Variants in CAST observed in about 807,000 individuals in gnomAD.
The protein encoded by CAST is calpastatin.
Under a neutral mutation model 119.6 loss-of-function variants are expected in CAST, and 76 were observed. The observed-to-expected ratio is 0.64, with a 90% CI of 0.53 to 0.77. CAST has a LOEUF of 0.77. Ranked by LOEUF, CAST falls within the 30% of genes least tolerant of loss-of-function variation. CAST has a pLI of 0.00. For missense variants in CAST, 953 were observed against 946.5 expected (o/e 1.01, Z -0.09); for synonymous variants, 319 against 331.6 (o/e 0.96, Z 0.41).
At chr5:96,266,595 T>C in the CAST span, among the ~76,000 whole-genome samples, 2 of 152,088 alleles carry the variant, frequency 1.3e-5, no homozygotes, top group Non-Finnish European at 2.9e-5. Context: ...AAACCTGGGC[T>C]TGAGGCACTA....
At chr5:96,078,989 AG>A in the CAST span, 4 of 397,302 alleles carry the variant, frequency 1.0e-5, no homozygotes, top group African/African-American at 2.1e-5. Context: ...AATGGGTTCT[AG>A]ACTTAATACC....
the CAST span, among the ~76,000 whole-genome samples, chr5:95,983,252 G>T: frequency 6.6e-6 from 1 of 152,226 alleles, no homozygotes; most frequent in African/African-American, 2.4e-5. Flanking sequence ...GTGATTAGAA[G>T]TCCTGAAGAG....
chr5:96,133,069 T>C, the CAST span, among the ~76,000 whole-genome samples: 6 of 152,136 alleles, frequency 3.9e-5, no homozygotes, highest in East Asian at 1.2e-3. Context: ...GTCTGTCACA[T>C]GAAGGGTACA....
chr5:96,293,371 C>T, the CAST span, among the ~76,000 whole-genome samples: 5 of 152,090 alleles, frequency 3.3e-5, no homozygotes, highest in East Asian at 1.9e-4. Context: ...CTCCACCTTC[C>T]GTTTCAAGTG....
the CAST span, among the ~76,000 whole-genome samples, chr5:96,447,472 A>C: frequency 6.6e-6 from 1 of 152,182 alleles, no homozygotes; most frequent in African/African-American, 2.4e-5. Flanking sequence ...TCATCCACAT[A>C]CACACCCATC....
At chr5:96,265,184 T>C in the CAST span, among the ~76,000 whole-genome samples, 1 of 152,164 alleles carries the variant, frequency 6.6e-6, no homozygotes, top group Non-Finnish European at 1.5e-5. Flanking sequence ...GCCTTTCACA[T>C]CTTTTTAGAT....
At chr5:96,086,977 A>T in the CAST span, among the ~76,000 whole-genome samples, 3 of 152,204 alleles carry the variant, frequency 2.0e-5, no homozygotes, top group African/African-American at 7.2e-5. Flanking sequence ...TGTTTTGGTT[A>T]AAACTTCTCT....
chr5:96,427,243 A>G, the CAST span, among the ~76,000 whole-genome samples: 1 of 152,182 alleles, frequency 6.6e-6, no homozygotes, highest in African/African-American at 2.4e-5. Context: ...AAGAGGAGGC[A>G]CTCTGCCGTC....
the CAST span, among the ~76,000 whole-genome samples, chr5:96,189,194 C>T: frequency 2.7e-4 from 41 of 152,146 alleles, no homozygotes; most frequent in Non-Finnish European, 4.7e-4. Flanking sequence ...TCCTATATCC[C>T]GCATCTTCAT....
the CAST span, among the ~76,000 whole-genome samples, chr5:96,255,875 C>T: frequency 6.6e-6 from 1 of 152,190 alleles, no homozygotes; most frequent in South Asian, 2.1e-4. Flanking sequence ...TTTAGGGTTC[C>T]GTTCCTCAAA....
At chr5:96,415,182 G>A in the CAST span, among the ~76,000 whole-genome samples, 2 of 152,154 alleles carry the variant, frequency 1.3e-5, no homozygotes, top group Non-Finnish European at 2.9e-5. Context: ...TTCTCCATTA[G>A]AACATGGACT....
the CAST span, among the ~76,000 whole-genome samples, chr5:96,414,546 T>C: frequency 6.6e-6 from 1 of 152,098 alleles, no homozygotes; most frequent in East Asian, 1.9e-4. Flanking sequence ...GCCTAATAAA[T>C]GAAGATTATT....
intron 1 of CAST, among the ~76,000 whole-genome samples, chr5:96,559,885 C>T (rs1292966545): frequency 1.3e-5 from 2 of 152,222 alleles, no homozygotes; most frequent in Non-Finnish European, 2.9e-5. Flanking sequence ...AAAAAAGAGC[C>T]CACATTGCCA....
chr5:96,358,045 T>C, the CAST span, among the ~76,000 whole-genome samples: 1 of 152,198 alleles, frequency 6.6e-6, no homozygotes, highest in African/African-American at 2.4e-5. Context: ...AACTTCTCCT[T>C]GGTTTAGTCT....
chr5:96,105,176 T>C, the CAST span, among the ~76,000 whole-genome samples: 1 of 150,708 alleles, frequency 6.6e-6, no homozygotes, highest in African/African-American at 2.5e-5. Flanking sequence ...TCATGTCGTC[T>C]GCAAACAGGG....
chr5:96,304,605 C>A, the CAST span, among the ~76,000 whole-genome samples: 7 of 152,138 alleles, frequency 4.6e-5, no homozygotes, highest in Non-Finnish European at 1.0e-4. Flanking sequence ...AGTCTTTAAT[C>A]CATCTTGAGT....
chr5:96,072,978 G>A, the CAST span, among the ~76,000 whole-genome samples: 3 of 152,198 alleles, frequency 2.0e-5, no homozygotes, highest in African/African-American at 7.2e-5. Flanking sequence ...CAGAAATGAT[G>A]AGCAGTGTTG....
At chr5:96,493,150 A>G in the CAST span, among the ~76,000 whole-genome samples, 710 of 152,350 alleles carry the variant, frequency 4.7e-3, 6 homozygotes, top group African/African-American at 0.016. Flanking sequence ...TTTTTAAACC[A>G]TGGAAAAAGT....
At chr5:96,179,825 A>G in the CAST span, among the ~76,000 whole-genome samples, 3 of 152,162 alleles carry the variant, frequency 2.0e-5, no homozygotes. Context: ...TCACGAGGTC[A>G]GGAGATCGAG....
Sources: allele counts gnomAD v4.1 joint callset (sites outside exome capture counted in the v4.1 genomes callset), GRCh38; gene constraint gnomAD v4.1.1; transcripts MANE v1.5; gene names NCBI Gene and HGNC (gene_info 2026-07-23, HGNC 2026-07-21).